The following WDR72 variants were observed in gnomAD, a reference collection of about 807,000 sequenced individuals.
The protein encoded by WDR72 is WD repeat domain 72, also known as WD repeat-containing protein 72.
Under a neutral mutation model 124.2 loss-of-function variants are expected in WDR72, and 120 were observed. The observed-to-expected ratio is 0.97, with a 90% CI of 0.83 to 1.12. The LOEUF (loss-of-function observed/expected upper bound fraction) is 1.12, where lower values mean the gene tolerates loss of function less well. Among genes scored for constraint, WDR72 ranks in the 50% most tolerant of loss-of-function variants. The pLI is 0.00. For synonymous variants in WDR72, 452 were observed against 441.7 expected, an observed-to-expected ratio of 1.02 and a Z score of -0.29; for missense variants, 1,387 against 1,278.8, an observed-to-expected ratio of 1.08 and a Z score of -1.29.
chr15:53,662,004 A>T (rs2015625039), intron 14 of WDR72, among the ~76,000 whole-genome samples: 1 of 152,232 alleles, frequency 6.6e-6, no homozygotes, highest in Non-Finnish European at 1.5e-5. Flanking sequence ...ATTTAAAAGC[A>T]ACTAACCAAC....
intron 14 of WDR72, among the ~76,000 whole-genome samples, chr15:53,655,670 A>G (rs1239080900): frequency 6.6e-6 from 1 of 152,064 alleles, no homozygotes; most frequent in Non-Finnish European, 1.5e-5. Flanking sequence ...AGCTCAGAAG[A>G]AAGTAATGAA....
intron 18 of WDR72, among the ~76,000 whole-genome samples, chr15:53,580,650 T>C (rs1328893305): frequency 6.6e-6 from 1 of 152,038 alleles, no homozygotes; most frequent in Non-Finnish European, 1.5e-5. Flanking sequence ...GTTTGTGATT[T>C]GTGACTTGAG....
intron 18 of WDR72, among the ~76,000 whole-genome samples, chr15:53,588,325 G>A (rs2012326198): frequency 6.6e-6 from 1 of 151,988 alleles, no homozygotes; most frequent in African/African-American, 2.4e-5. Context: ...AGTTCACAGA[G>A]TTGGGAAAGA....
intron 19 of WDR72, among the ~76,000 whole-genome samples, chr15:53,521,777 T>C (rs1891811790): frequency 1.3e-5 from 2 of 152,000 alleles, no homozygotes; most frequent in Admixed American, 6.6e-5. Flanking sequence ...TCTGACAAAA[T>C]GAGTAATAGA....
intron 18 of WDR72, among the ~76,000 whole-genome samples, chr15:53,551,439 T>C (rs1031493649): frequency 1.1e-4 from 16 of 152,294 alleles, no homozygotes; most frequent in African/African-American, 3.1e-4. Context: ...ACTCTCAGCC[T>C]TTCTCTTTCC....
At chr15:53,562,570 T>C (rs923405192) in intron 18 of WDR72, among the ~76,000 whole-genome samples, 3 of 151,826 alleles carry the variant, frequency 2.0e-5, no homozygotes, top group Admixed American at 2.0e-4. Flanking sequence ...GCTCTTATGA[T>C]GTTACCTGCC....
intron 18 of WDR72, among the ~76,000 whole-genome samples, chr15:53,563,112 G>T (rs893548722): frequency 6.6e-6 from 1 of 151,740 alleles, no homozygotes; most frequent in African/African-American, 2.4e-5. Flanking sequence ...CTTTCGGAAA[G>T]AAATTTTCCA....
chr15:53,594,107 AAAG>A (rs1566974711), intron 18 of WDR72, among the ~76,000 whole-genome samples: 9 of 152,044 alleles, frequency 5.9e-5, no homozygotes, highest in Non-Finnish European at 1.5e-5. Context: ...GATTCTTAGC[AAAG>A]CATTGGAATA....
intron 18 of WDR72, among the ~76,000 whole-genome samples, chr15:53,590,218 C>T (rs2012426524): frequency 6.6e-6 from 1 of 151,930 alleles, no homozygotes; most frequent in Non-Finnish European, 1.5e-5. Context: ...CCTGTACCCC[C>T]AACCCTTATT....
chr15:53,648,149 CTAG>C (rs2015108703), intron 14 of WDR72, among the ~76,000 whole-genome samples: 3 of 152,058 alleles, frequency 2.0e-5, no homozygotes, highest in Non-Finnish European at 4.4e-5. Context: ...TTCAATGTCA[CTAG>C]TAGAATAAAA....
chr15:53,691,396 C>A (rs1362022874), intron 13 of WDR72, among the ~76,000 whole-genome samples: 2 of 152,122 alleles, frequency 1.3e-5, no homozygotes, highest in Non-Finnish European at 2.9e-5. Context: ...GTTGCTGTGC[C>A]ATAAGAGTTC....
intron 1 of WDR72, among the ~76,000 whole-genome samples, chr15:53,747,526 A>G (rs561989727): frequency 1.3e-5 from 2 of 152,336 alleles, no homozygotes; most frequent in African/African-American, 2.4e-5. Flanking sequence ...CAAATGTGCA[A>G]ATTAATCTTT....
At chr15:53,612,716 C>T (rs1032714449) in intron 16 of WDR72, among the ~76,000 whole-genome samples, 1 of 151,992 alleles carries the variant, frequency 6.6e-6, no homozygotes, top group Non-Finnish European at 1.5e-5. Context: ...GGCTTTTATT[C>T]TGAGCGAAAC....
chr15:53,579,182 C>T (rs1017886903), intron 18 of WDR72, among the ~76,000 whole-genome samples: 10 of 152,056 alleles, frequency 6.6e-5, no homozygotes, highest in African/African-American at 1.9e-4. Context: ...GTGAGCCTAA[C>T]AAGAACCCCT....
chr15:53,537,005 T>G (rs1171515888), intron 18 of WDR72, among the ~76,000 whole-genome samples: 1 of 152,188 alleles, frequency 6.6e-6, no homozygotes, highest in African/African-American at 2.4e-5. Flanking sequence ...AGAATTGTAC[T>G]GAGCACCATC....
chr15:53,662,247 C>A (rs894608601), intron 14 of WDR72, among the ~76,000 whole-genome samples: 2 of 152,124 alleles, frequency 1.3e-5, no homozygotes, highest in African/African-American at 4.8e-5. Context: ...TCTGGCCTTC[C>A]TTTCCTATAC....
intron 4 of WDR72, 81 bp downstream of exon 4, chr15:53,716,526 G>T: frequency 1.1e-6 from 1 of 919,764 alleles, no homozygotes; most frequent in Non-Finnish European, 1.8e-6. Context: ...CTCCAAAGAT[G>T]TTTCTTTAGA....
chr15:53,596,362 A>AC (rs1384353737), intron 18 of WDR72, among the ~76,000 whole-genome samples: 1 of 152,154 alleles, frequency 6.6e-6, no homozygotes, highest in East Asian at 1.9e-4. Flanking sequence ...ATCATAGAAC[A>AC]TTTTACAACA....
At chr15:53,726,697 A>C (rs551159733) in intron 2 of WDR72, among the ~76,000 whole-genome samples, 14 of 152,134 alleles carry the variant, frequency 9.2e-5, no homozygotes, top group Non-Finnish European at 1.5e-4. Flanking sequence ...TTAAAAAATT[A>C]GCTGGGCATG....
Sources: gnomAD v4.1 joint callset for allele counts (sites outside exome capture counted in the v4.1 genomes callset) on GRCh38, gnomAD v4.1.1 for gene constraint, MANE v1.5 for transcripts, NCBI Gene and HGNC (gene_info 2026-07-23, HGNC 2026-07-21) for gene names.